Variants in ALK observed in about 807,000 individuals in gnomAD.
ALK encodes the protein ALK receptor tyrosine kinase.
A neutral mutation model predicts 163.1 loss-of-function variants in ALK; 74 were observed. The observed-to-expected ratio is 0.45, with a 90% CI of 0.38 to 0.55. ALK has a LOEUF of 0.55. Among genes scored for constraint, ALK ranks in the 20% least tolerant of loss-of-function variants. The probability of loss-of-function intolerance (pLI) is 0.00; values close to 1 mark genes in which losing one functional copy is unlikely to be tolerated. For synonymous variants in ALK, 960 were observed against 843.2 expected, an observed-to-expected ratio of 1.14 and a Z score of -2.40; for missense variants, 2,063 against 2,105.3, an observed-to-expected ratio of 0.98 and a Z score of 0.39.
chr2:29,532,401 C>T (rs1290884515), intron 3 of ALK, among the ~76,000 whole-genome samples: 2 of 152,124 alleles, frequency 1.3e-5, no homozygotes, highest in East Asian at 1.9e-4. Flanking sequence ...CTAGAGCCTT[C>T]GATTTTTCAT....
intron 19 of ALK, chr2:29,224,587 C>G (rs2148174005): frequency 8.7e-6 from 2 of 229,330 alleles, no homozygotes; most frequent in Middle Eastern, 2.7e-3. Flanking sequence ...AGCCCAGCCC[C>G]CCAACACATG....
intron 3 of ALK, among the ~76,000 whole-genome samples, chr2:29,552,964 T>C (rs1673754761): frequency 6.6e-6 from 1 of 152,188 alleles, no homozygotes; most frequent in South Asian, 2.1e-4. Flanking sequence ...CCTTCATCCA[T>C]GCTGTGCCAT....
intron 13 of ALK, 44 bp downstream of exon 13, chr2:29,239,636 G>T (rs753050350): frequency 2.5e-6 from 4 of 1,610,904 alleles, no homozygotes; most frequent in Non-Finnish European, 3.4e-6. Flanking sequence ...CCTTCCCGGG[G>T]CCTGACAGAG....
At position 29,220,750 on chromosome 2, in the gene ALK, C is replaced by A. The variant is rs761333959; in HGVS notation, c.3601G>T (p.Gly1201Trp). 1 of 1,613,924 alleles carries A rather than the reference C, an allele frequency of 6.2e-7. No individual in the cohort carries two copies. Among genetic ancestry groups the A allele is most frequent in the East Asian group, 2.2e-5 (1 of 44,876 alleles). Reference sequence around the variant, plus strand: ...CGGAGGAAGGACTTGAGGTCTCCCCCCGCCATGAGCTCCAGCAGGATGAAC... The same window carrying A: ...CGGAGGAAGGACTTGAGGTCTCCCCACGCCATGAGCTCCAGCAGGATGAAC... ...PRFILLELMA[G>W]GDLKSFLRET... The change falls in exon 23 of 29, where the codon GGG (glycine) becomes TGG (tryptophan). Residue 1201 changes from glycine to tryptophan, a missense_variant. By Grantham distance (184) the Gly-to-Trp change is radical. Coordinates refer to ENST00000389048, the MANE Select transcript of ALK (RefSeq NM_004304.5).
chr2:29,801,582 T>C (rs1253352935), intron 1 of ALK, among the ~76,000 whole-genome samples: 2 of 152,224 alleles, frequency 1.3e-5, no homozygotes, highest in African/African-American at 4.8e-5. Context: ...TTAGTAGAAA[T>C]TGGCCTCTAT....
intron 1 of ALK, among the ~76,000 whole-genome samples, chr2:29,839,457 A>G (rs897749793): frequency 2.0e-5 from 3 of 152,194 alleles, no homozygotes; most frequent in African/African-American, 7.2e-5. Context: ...CTGCCTTCCA[A>G]TTCAGACCAG....
At chr2:29,440,838 T>A (rs1216567564) in intron 4 of ALK, among the ~76,000 whole-genome samples, 1 of 152,226 alleles carries the variant, frequency 6.6e-6, no homozygotes, top group Non-Finnish European at 1.5e-5. Context: ...TCTTTTAGAT[T>A]ATCATCAATA....
chr2:29,426,767 C>T (rs1448771016), intron 4 of ALK, among the ~76,000 whole-genome samples: 2 of 152,164 alleles, frequency 1.3e-5, no homozygotes, highest in East Asian at 1.9e-4. Flanking sequence ...AGGCCGGGCA[C>T]GGTGGCTCAC....
At chr2:29,553,399 G>T (rs920018561) in intron 3 of ALK, among the ~76,000 whole-genome samples, 1 of 152,174 alleles carries the variant, frequency 6.6e-6, no homozygotes, top group Non-Finnish European at 1.5e-5. Context: ...AATTTCAATT[G>T]TTTATAAACC....
chr2:29,293,287 A>G (rs146925864), intron 9 of ALK, among the ~76,000 whole-genome samples: 1 of 152,344 alleles, frequency 6.6e-6, no homozygotes, highest in East Asian at 1.9e-4. Context: ...ATTTGAAAGT[A>G]TATGCAATTT....
intron 1 of ALK, among the ~76,000 whole-genome samples, chr2:29,890,195 C>A (rs970639341): frequency 1.3e-5 from 2 of 152,156 alleles, no homozygotes; most frequent in African/African-American, 4.8e-5. Flanking sequence ...CCACCTCAAG[C>A]AGACCATGTG....
rs182410621 is a variant in ALK, at chr2:29,404,406, C to A, written c.1155-20547G>T. On this transcript the variant is annotated intron_variant, in intron 4 of 28. Coordinates refer to ENST00000389048, the MANE Select transcript of ALK (RefSeq NM_004304.5). Reference sequence around the variant, plus strand: ...TACTCAAACAGAACACCTTACAGTGCATGCAGAGTTGATATACAAGATGAC... The same window carrying A: ...TACTCAAACAGAACACCTTACAGTGAATGCAGAGTTGATATACAAGATGAC... Among the ~76,000 whole-genome samples, 172 of 151,830 alleles carry A rather than the reference C, an allele frequency of 1.1e-3. 2 individuals are homozygous for A. Among genetic ancestry groups the A allele is most frequent in the Non-Finnish European group, 1.1e-3 (72 of 67,978 alleles).
chr2:29,232,591 G>A (rs543907579), intron 14 of ALK, 143 bp from the exon 15 acceptor site: 46 of 1,139,116 alleles, frequency 4.0e-5, no homozygotes, highest in African/African-American at 3.8e-4. Flanking sequence ...GGTGGTTTGC[G>A]GGCTCTGAAC....
intron 1 of ALK, among the ~76,000 whole-genome samples, chr2:29,723,862 A>C (rs1032986359): frequency 1.3e-5 from 2 of 152,212 alleles, no homozygotes; most frequent in Non-Finnish European, 2.9e-5. Flanking sequence ...TTGTGTCAAT[A>C]ATTACAACGT....
rs140650815 is a variant in ALK, at chr2:29,379,999, G to C, written c.1282+3733C>G. On this transcript the variant is annotated intron_variant, in intron 5 of 28. Coordinates refer to ENST00000389048, the MANE Select transcript of ALK (RefSeq NM_004304.5). ...ACAGGCTGTACAGGAAGCATGGCTG[G>C]GGAGGCCTTAGGAAACTTGCAATCA... 1.8e-3 allele frequency among the ~76,000 whole-genome samples: 271 copies of C among 152,254 alleles called. 2 individuals carry two copies. Among genetic ancestry groups the C allele is most frequent in the Middle Eastern group, 0.014 (4 of 294 alleles).
At chr2:29,220,599 C>A (rs2148165968) in intron 23 of ALK, 107 bp downstream of exon 23, 1 of 1,532,664 alleles carries the variant, frequency 6.5e-7, no homozygotes, top group East Asian at 2.3e-5. Context: ...AGTTGACACC[C>A]TGGGTTCCAT....
At chr2:29,278,824 A>G (rs758662064) in intron 9 of ALK, among the ~76,000 whole-genome samples, 13 of 152,200 alleles carry the variant, frequency 8.5e-5, no homozygotes, top group Admixed American at 4.6e-4. Flanking sequence ...GAGTGCCCCC[A>G]CAGGGCACAT....
At chr2:29,262,231 C>T (rs1378827772) in intron 11 of ALK, among the ~76,000 whole-genome samples, 3 of 151,646 alleles carry the variant, frequency 2.0e-5, no homozygotes, top group African/African-American at 7.2e-5. Flanking sequence ...TGAGGAGGGG[C>T]ACATCACCTT....
At chr2:29,875,460 G>C (rs1393582974) in intron 1 of ALK, among the ~76,000 whole-genome samples, 1 of 152,120 alleles carries the variant, frequency 6.6e-6, no homozygotes, top group African/African-American at 2.4e-5. Flanking sequence ...TACATGTGCT[G>C]AATGTGCAGG....
Sources: gnomAD v4.1 joint callset for allele counts (sites outside exome capture counted in the v4.1 genomes callset) on GRCh38, gnomAD v4.1.1 for gene constraint, MANE v1.5 for transcripts, NCBI Gene and HGNC (gene_info 2026-07-23, HGNC 2026-07-21) for gene names.